Variants in PTPRN2 observed in about 807,000 individuals in gnomAD.
PTPRN2 encodes the protein receptor-type tyrosine-protein phosphatase N2.
In PTPRN2, 74 loss-of-function variants were observed where a neutral mutation model predicts 118.8. That is an observed-to-expected ratio of 0.62 (90% CI 0.52 to 0.76). PTPRN2 has a LOEUF of 0.76. Among genes scored for constraint, PTPRN2 ranks in the 30% least tolerant of loss-of-function variants. The pLI, the probability that PTPRN2 is intolerant of heterozygous loss-of-function variation, is 0.00. For synonymous variants in PTPRN2, 641 were observed against 608.0 expected (o/e 1.05, Z -0.80); for missense variants, 1,481 against 1,394.4 (o/e 1.06, Z -0.99).
At chr7:157,971,141 T>C (rs1342103436) in intron 11 of PTPRN2, among the ~76,000 whole-genome samples, 1 of 152,250 alleles carries the variant, frequency 6.6e-6, no homozygotes, top group Non-Finnish European at 1.5e-5. Context: ...AGCTGGATTC[T>C]GTTCATCTTT....
At chr7:157,643,730 G>A (rs557613164) in intron 14 of PTPRN2, among the ~76,000 whole-genome samples, 5 of 152,228 alleles carry the variant, frequency 3.3e-5, no homozygotes, top group Non-Finnish European at 7.3e-5. Context: ...TAAAGGAGGT[G>A]GGAGCAGGCG....
intron 16 of PTPRN2, 119 bp from the exon 17 acceptor site, chr7:157,595,434 C>T (rs73163816): frequency 5.8e-6 from 5 of 855,418 alleles, no homozygotes; most frequent in South Asian, 3.4e-5. Context: ...GAAGCCAGGA[C>T]GTTAAGAAAC....
intron 1 of PTPRN2, among the ~76,000 whole-genome samples, chr7:158,533,586 G>A (rs1217497692): frequency 6.6e-6 from 1 of 152,156 alleles, no homozygotes; most frequent in Non-Finnish European, 1.5e-5. Context: ...CTATCCCAGG[G>A]GCCAGAGGGG....
chr7:158,422,459 A>C (rs1336420401), intron 2 of PTPRN2, among the ~76,000 whole-genome samples: 1 of 152,242 alleles, frequency 6.6e-6, no homozygotes, highest in Non-Finnish European at 1.5e-5. Context: ...CCAGATTCTC[A>C]TTTCAGATGC....
chr7:158,105,548 CAAT>C (rs902266647), intron 10 of PTPRN2, among the ~76,000 whole-genome samples: 1 of 151,732 alleles, frequency 6.6e-6, no homozygotes, highest in African/African-American at 2.4e-5. Context: ...TCCAAGGCTT[CAAT>C]AATCCCCAGC....
intron 14 of PTPRN2, 21 bp from the exon 15 acceptor site, chr7:157,621,530 C>A: frequency 6.2e-7 from 1 of 1,609,840 alleles, no homozygotes; most frequent in South Asian, 1.1e-5. Context: ...AACACAGGGT[C>A]AGGAGCGCAC....
At chr7:157,799,367 G>A (rs574635397) in intron 12 of PTPRN2, among the ~76,000 whole-genome samples, 6 of 152,220 alleles carry the variant, frequency 3.9e-5, no homozygotes, top group Admixed American at 6.5e-5. Context: ...ATCTCTTGCC[G>A]TGAGACCTCC....
chr7:157,568,959 C>T lies in PTPRN2; in HGVS notation c.2845G>A (p.Ala949Thr). 2 of 1,570,778 alleles carry T rather than the reference C, an allele frequency of 1.3e-6. No homozygotes were observed. The highest frequency in any genetic ancestry group is 1.8e-6 in the Non-Finnish European group (2 of 1,140,910). ...CPIIVHCSDGAGRSGTYVLID... is the reference protein window; with the variant it reads ...CPIIVHCSDGTGRSGTYVLID... Reference sequence around the variant, plus strand: ...AGGACGTAGGTGCCGCTCCGGCCTGCACCGTCACTGCCAACAGAAGGAGAG... The same window carrying T: ...AGGACGTAGGTGCCGCTCCGGCCTGTACCGTCACTGCCAACAGAAGGAGAG... The change falls in exon 21 of 23, where the codon GCA (alanine) becomes ACA (threonine). Residue 949 changes from alanine (A) to threonine (T), a missense_variant. Physicochemically the swap from Ala to Thr is moderately conservative, Grantham distance 58. This residue lies in a region of PTPRN2 where 362 missense variants were observed against 384.1 expected (regional missense o/e 0.94). Transcript: ENST00000389418.
intron 11 of PTPRN2, among the ~76,000 whole-genome samples, chr7:158,001,768 A>G (rs1585179665): frequency 1.3e-5 from 2 of 152,340 alleles, no homozygotes; most frequent in Non-Finnish European, 2.9e-5. Context: ...AACAGCAGGC[A>G]TGGGCCCGCT....
At chr7:158,190,571 A>G (rs1329672308) in intron 5 of PTPRN2, among the ~76,000 whole-genome samples, 2 of 152,178 alleles carry the variant, frequency 1.3e-5, no homozygotes, top group Non-Finnish European at 2.9e-5. Context: ...CTAACCTTAG[A>G]GGGAGACCTG....
chr7:158,235,549 A>G (rs1000920546), intron 3 of PTPRN2, among the ~76,000 whole-genome samples: 9 of 152,216 alleles, frequency 5.9e-5, no homozygotes, highest in Admixed American at 2.0e-4. Context: ...AATGGATCTC[A>G]TGAGGGTGCC....
At position 157,717,882 on chromosome 7, in the gene PTPRN2, G is replaced by A. The variant is rs187718318; in HGVS notation, c.1789-34945C>T. ...GGAAGGAGATTAATTGCTACCCCGC[G>A]TACCTTTCAGAGGTTTATATGAAGC... On this transcript the variant is annotated intron_variant, in intron 12 of 22. Coordinates refer to ENST00000389418, the MANE Select transcript of PTPRN2 (RefSeq NM_002847.5). Among the ~76,000 whole-genome samples the A allele has an allele frequency of 2.1e-3, 327 of 152,370 alleles. 1 individual carries two copies. The highest frequency in any genetic ancestry group is 3.9e-3 in the Non-Finnish European group (265 of 68,036).
At chr7:157,860,637 G>A (rs904618402) in intron 12 of PTPRN2, among the ~76,000 whole-genome samples, 20 of 152,346 alleles carry the variant, frequency 1.3e-4, no homozygotes, top group African/African-American at 4.3e-4. Flanking sequence ...GTTCTTTAAC[G>A]ATGCCTTTTA....
At chr7:157,659,184 G>C (rs1262886515) in intron 13 of PTPRN2, among the ~76,000 whole-genome samples, 3 of 151,520 alleles carry the variant, frequency 2.0e-5, no homozygotes, top group Non-Finnish European at 2.9e-5. Context: ...GACTCATAGC[G>C]AGATACAGGT....
In PTPRN2 at chr7:157,578,055, G is replaced by A. The variant is rs902259591; in HGVS notation, c.2582C>T (p.Pro861Leu). The A allele has an allele frequency of 1.2e-6, 2 of 1,613,286 alleles. No individual in the cohort carries two copies. Among genetic ancestry groups the A allele is most frequent in the Non-Finnish European group, 8.5e-7 (1 of 1,179,476 alleles). ...NGVRQCYHYW[P>L]DEGSNLYHIY... Reference sequence around the variant, plus strand: ...GTGGTAGAGATTGGAGCCTTCATCCGGCCAGTAGTGGTAGCACTGCCGGAC... The same window carrying A: ...GTGGTAGAGATTGGAGCCTTCATCCAGCCAGTAGTGGTAGCACTGCCGGAC... The change falls in exon 18 of 23, where the codon CCG becomes CTG. Residue 861 changes from proline to leucine, a missense_variant. Physicochemically the swap from Pro to Leu is moderately conservative, Grantham distance 98. Transcript: ENST00000389418.
chr7:158,388,982 C>A (rs1251279998), intron 2 of PTPRN2, among the ~76,000 whole-genome samples: 1 of 152,246 alleles, frequency 6.6e-6, no homozygotes, highest in Non-Finnish European at 1.5e-5. Context: ...ACCCTAAGGG[C>A]TAAGCTCGGA....
intron 2 of PTPRN2, among the ~76,000 whole-genome samples, chr7:158,420,924 G>A (rs915681326): frequency 2.0e-5 from 3 of 152,186 alleles, no homozygotes; most frequent in African/African-American, 7.2e-5. Context: ...GCTTACAGAC[G>A]CCCTGGGTTC....
At chr7:157,938,910 T>G (rs1160477746) in intron 11 of PTPRN2, among the ~76,000 whole-genome samples, 1 of 152,222 alleles carries the variant, frequency 6.6e-6, no homozygotes, top group African/African-American at 2.4e-5. Flanking sequence ...AGTGCTGAAG[T>G]AAGGAGTGGG....
intron 13 of PTPRN2, among the ~76,000 whole-genome samples, chr7:157,662,894 A>T (rs1247365457): frequency 2.0e-5 from 3 of 152,128 alleles, no homozygotes; most frequent in Non-Finnish European, 4.4e-5. Context: ...CAGGGTCTGA[A>T]GGGAAGGCCT....
Sources: gnomAD v4.1 joint callset for allele counts (sites outside exome capture counted in the v4.1 genomes callset) on GRCh38, gnomAD v4.1.1 for gene constraint, gnomAD v4.1.1 regional missense constraint, MANE v1.5 for transcripts, NCBI Gene and HGNC (gene_info 2026-07-23, HGNC 2026-07-21) for gene names.